Variants in SEMA6D observed in about 807,000 individuals in gnomAD.
The protein encoded by SEMA6D is semaphorin 6D, also known as semaphorin-6D.
SEMA6D carries 35 observed loss-of-function variants against 106.6 expected under a neutral mutation model. The ratio of observed to expected loss-of-function variants is 0.33; its 90% CI spans 0.25 to 0.44. SEMA6D has a LOEUF of 0.44. Ranked by LOEUF, SEMA6D falls within the 20% of genes least tolerant of loss-of-function variation. The pLI, the probability that SEMA6D is intolerant of heterozygous loss-of-function variation, is 1.00. For missense variants in SEMA6D, 1,185 were observed against 1,345.9 expected, an observed-to-expected ratio of 0.88 and a Z score of 1.87; for synonymous variants, 499 against 487.7, an observed-to-expected ratio of 1.02 and a Z score of -0.31.
chr15:47,319,957 TC>T lies in SEMA6D; in HGVS notation c.-238-92434del, dbSNP rs1284264810. On this transcript the variant is annotated intron_variant, in intron 1 of 19. Transcript: ENST00000558014. Reference sequence around the variant, plus strand: ...CTTGTCACTGGTTCCCAGGGCACTTTCCACCTGTGAGTCTCTAAGTCACAAC... The same window carrying T: ...CTTGTCACTGGTTCCCAGGGCACTTTCACCTGTGAGTCTCTAAGTCACAAC... 2.6e-5 allele frequency among the ~76,000 whole-genome samples: 4 copies of T among 152,222 alleles called. No homozygotes were observed. In the East Asian group the frequency reaches 7.8e-4, roughly 30 times the overall value.
At chr15:47,234,456 A>G (rs962339308) in intron 1 of SEMA6D, among the ~76,000 whole-genome samples, 1 of 151,982 alleles carries the variant, frequency 6.6e-6, no homozygotes, top group Non-Finnish European at 1.5e-5. Context: ...AGCAGGGTAC[A>G]TTGTACTCAA....
intron 1 of SEMA6D, among the ~76,000 whole-genome samples, chr15:47,303,121 A>T (rs1364573647): frequency 6.6e-6 from 1 of 152,224 alleles, no homozygotes; most frequent in African/African-American, 2.4e-5. Context: ...TTTTAGAATA[A>T]GGGAGAACAG....
intron 1 of SEMA6D, among the ~76,000 whole-genome samples, chr15:47,393,014 T>C (rs546019136): frequency 1.2e-4 from 18 of 152,310 alleles, no homozygotes; most frequent in African/African-American, 4.1e-4. Context: ...AATCAAGAAG[T>C]CTTCAGTTGG....
chr15:47,604,460 A>G (rs1276500751), intron 4 of SEMA6D, among the ~76,000 whole-genome samples: 1 of 152,224 alleles, frequency 6.6e-6, no homozygotes, highest in Non-Finnish European at 1.5e-5. Flanking sequence ...AGACAACTAA[A>G]CAGGGATATG....
At chr15:47,372,330 T>C (rs769082308) in intron 1 of SEMA6D, among the ~76,000 whole-genome samples, 1 of 152,228 alleles carries the variant, frequency 6.6e-6, no homozygotes, top group Non-Finnish European at 1.5e-5. Flanking sequence ...CAGACATACC[T>C]GGCCTGGGAC....
At chr15:47,717,080 TGAAA>T (rs956764751), upstream of SEMA6D, 3 of 152,246 alleles carry the variant, frequency 2.0e-5, no homozygotes, top group African/African-American at 7.2e-5. Context: ...AGGAAAGCTC[TGAAA>T]GAAGTGAGCG....
chr15:47,367,247 C>A (rs867923123), intron 1 of SEMA6D, among the ~76,000 whole-genome samples: 2 of 152,108 alleles, frequency 1.3e-5, no homozygotes, highest in African/African-American at 4.8e-5. Flanking sequence ...CTCCTTCCCC[C>A]CCTTCTTCAA....
intron 1 of SEMA6D, among the ~76,000 whole-genome samples, chr15:47,187,861 C>T (rs1420845914): frequency 6.6e-6 from 1 of 152,040 alleles, no homozygotes; most frequent in Non-Finnish European, 1.5e-5. Flanking sequence ...AACCTGGAGT[C>T]AGGACTTAAG....
chr15:47,528,031 G>C (rs1365290993), intron 3 of SEMA6D, among the ~76,000 whole-genome samples: 1 of 152,170 alleles, frequency 6.6e-6, no homozygotes, highest in East Asian at 1.9e-4. Flanking sequence ...ATCCAGACAT[G>C]GGGTGGGAGG....
chr15:47,422,979 A>C lies in SEMA6D; in HGVS notation c.-159+10507A>C, dbSNP rs181054109. Among the ~76,000 whole-genome samples, 221 of 152,192 alleles carry C rather than the reference A, an allele frequency of 1.5e-3. 1 individual carries two copies. Among genetic ancestry groups the C allele is most frequent in the Non-Finnish European group, 4.0e-4 (27 of 67,964 alleles). On this transcript the variant is annotated intron_variant, in intron 2 of 19. Coordinates refer to the SEMA6D transcript ENST00000558014. Reference sequence around the variant, plus strand: ...ACCCTAAAGGAAATTGGTAAGAGTGAGGAGAAAAAAAGACCTTTGGGCTAA... The same window carrying C: ...ACCCTAAAGGAAATTGGTAAGAGTGCGGAGAAAAAAAGACCTTTGGGCTAA...
intron 4 of SEMA6D, among the ~76,000 whole-genome samples, chr15:47,635,532 T>G (rs970758833): frequency 1.3e-5 from 2 of 152,130 alleles, no homozygotes; most frequent in African/African-American, 4.8e-5. Context: ...CATAGGAAAT[T>G]TAAAAATATT....
At position 47,771,312 on chromosome 15, in the gene SEMA6D, G is replaced by T. The variant is rs773369692; in HGVS notation, c.2749G>T (p.Glu917Ter). 1 of 1,613,868 alleles carries T rather than the reference G, an allele frequency of 6.2e-7. No homozygotes were observed. Among genetic ancestry groups the T allele is most frequent in the Non-Finnish European group, 8.5e-7 (1 of 1,179,976 alleles). Reference protein sequence around the residue: ...LMLDPMGSMSEVPPKVPNREA... With the variant: ...LMLDPMGSMS Reference sequence around the variant, plus strand: ...GCTGGATCCCATGGGATCGATGTCTGAGGTCCCACCTAAAGTCCCTAACCG... The same window carrying T: ...GCTGGATCCCATGGGATCGATGTCTTAGGTCCCACCTAAAGTCCCTAACCG... The change falls in exon 19 of 19, where the codon GAG becomes TAG. Residue 917 changes from glutamate (E) to a stop codon, truncating the protein, a stop_gained. Coordinates refer to ENST00000536845, the MANE Select transcript of SEMA6D (RefSeq NM_001358351.3). LOFTEE classifies it high-confidence loss of function.
chr15:47,757,778 A>G (rs983463520), intron 1 of SEMA6D, among the ~76,000 whole-genome samples: 12 of 152,290 alleles, frequency 7.9e-5, no homozygotes, highest in African/African-American at 2.9e-4. Flanking sequence ...TCTTTTCCCC[A>G]GGCCCTTATG....
intron 2 of SEMA6D, among the ~76,000 whole-genome samples, chr15:47,450,270 C>T (rs545598010): frequency 2.6e-5 from 4 of 152,248 alleles, no homozygotes; most frequent in South Asian, 2.1e-4. Flanking sequence ...TCCTTCTTTT[C>T]GTGCATTCAT....
chr15:47,711,133 C>T (rs1376448072), intron 4 of SEMA6D, among the ~76,000 whole-genome samples: 1 of 151,390 alleles, frequency 6.6e-6, no homozygotes. Flanking sequence ...AACGGTGAAA[C>T]CCCGTCTCTA....
At chr15:47,259,689 C>T (rs2033978070) in intron 1 of SEMA6D, among the ~76,000 whole-genome samples, 1 of 152,066 alleles carries the variant, frequency 6.6e-6, no homozygotes, top group South Asian at 2.1e-4. Context: ...TTTGGCATTA[C>T]CAGAGTCTTG....
intron 3 of SEMA6D, among the ~76,000 whole-genome samples, chr15:47,513,348 T>C (rs146905560): frequency 6.6e-6 from 1 of 152,306 alleles, no homozygotes; most frequent in African/African-American, 2.4e-5. Flanking sequence ...CACATATATA[T>C]ACTCTGGCTG....
chr15:47,634,628 A>G (rs542490744), intron 4 of SEMA6D, among the ~76,000 whole-genome samples: 2 of 152,262 alleles, frequency 1.3e-5, no homozygotes, highest in South Asian at 2.1e-4. Flanking sequence ...AGAAATATCA[A>G]CTGGGCTTAT....
At chr15:47,281,452 A>G (rs922192536) in intron 1 of SEMA6D, among the ~76,000 whole-genome samples, 4 of 149,718 alleles carry the variant, frequency 2.7e-5, no homozygotes, top group Admixed American at 6.7e-5. Context: ...TCCTGAATAC[A>G]GCACACTGAT....
Sources: allele counts gnomAD v4.1 joint callset (sites outside exome capture counted in the v4.1 genomes callset), GRCh38; gene constraint gnomAD v4.1.1; transcripts MANE v1.5; gene names NCBI Gene and HGNC (gene_info 2026-07-23, HGNC 2026-07-21).